The following GAP43 variants were observed in gnomAD, a reference collection of about 807,000 sequenced individuals.
The protein encoded by GAP43 is growth associated protein 43.
In GAP43, 6 loss-of-function variants were observed where a neutral mutation model predicts 18.6. The ratio of observed to expected loss-of-function variants is 0.32; its 90% CI spans 0.18 to 0.64. The LOEUF (loss-of-function observed/expected upper bound fraction) is 0.64. Ranked by LOEUF, GAP43 falls within the 30% of genes least tolerant of loss-of-function variation. The pLI is 0.78. For synonymous variants in GAP43, 115 were observed against 111.4 expected (o/e 1.03, Z -0.20); for missense variants, 292 against 295.5 (o/e 0.99, Z 0.09).
At chr3:115,663,490 G>A in intron 1 of GAP43, 1 of 1,152,778 alleles carries the variant, frequency 8.7e-7, no homozygotes, top group African/African-American at 1.6e-5. Flanking sequence ...TGCTTTCCCT[G>A]CTCTCTGATA....
intron 1 of GAP43, among the ~76,000 whole-genome samples, chr3:115,624,807 G>T (rs1708164971): frequency 6.6e-6 from 1 of 151,154 alleles, no homozygotes; most frequent in South Asian, 2.1e-4. Flanking sequence ...TCAAACATTT[G>T]TTGGAATGCA....
rs1709507824 is a variant in GAP43, at chr3:115,716,717, A to ATATATAT, written c.629-4077_629-4076insTATATAT. On this transcript the variant is annotated intron_variant, in intron 2 of 2. Coordinates refer to ENST00000305124, the MANE Select transcript of GAP43 (RefSeq NM_002045.4). ...TAAAAAATTACTTTAATCTCAGACAAATATATATATATATATATATATATA... is the reference window on the plus strand; with the variant it reads ...TAAAAAATTACTTTAATCTCAGACAATATATATATATATATATATATATATATATATA... 1.5e-3 allele frequency among the ~76,000 whole-genome samples: 67 copies of ATATATAT among 43,936 alleles called. 14 individuals are homozygous for ATATATAT. The highest frequency in any genetic ancestry group is 3.7e-3 in the East Asian group (3 of 818). 28.8% of individuals were successfully genotyped at this position (43,936 alleles called of 152,430 possible). A position where few individuals can be genotyped will look rare whatever the true frequency, so the allele number is the denominator to read the frequency against.
At chr3:115,712,087 T>G (rs1709447245) in intron 2 of GAP43, among the ~76,000 whole-genome samples, 1 of 152,170 alleles carries the variant, frequency 6.6e-6, no homozygotes, top group Non-Finnish European at 1.5e-5. Context: ...TTTAAGAAGT[T>G]TTCAAGGCTA....
At chr3:115,650,538 G>A (rs758944742) in intron 1 of GAP43, among the ~76,000 whole-genome samples, 7 of 151,340 alleles carry the variant, frequency 4.6e-5, no homozygotes, top group Non-Finnish European at 1.0e-4. Context: ...CTATTTCTCT[G>A]TTCCTCCTTC....
intron 1 of GAP43, chr3:115,664,066 C>T: frequency 1.3e-6 from 1 of 741,000 alleles, no homozygotes; most frequent in Non-Finnish European, 2.2e-6. Context: ...TAATAGTACC[C>T]ATTGCATAGT....
intron 1 of GAP43, among the ~76,000 whole-genome samples, chr3:115,657,566 T>C (rs1355112690): frequency 6.6e-6 from 1 of 152,176 alleles, no homozygotes; most frequent in Non-Finnish European, 1.5e-5. Context: ...TTAATCAACT[T>C]ACAGTTGGGT....
intron 1 of GAP43, among the ~76,000 whole-genome samples, chr3:115,672,021 G>T (rs998496100): frequency 4.6e-5 from 7 of 152,178 alleles, no homozygotes; most frequent in African/African-American, 1.7e-4. Context: ...CTTAACATAG[G>T]CACTGAGTAT....
At chr3:115,636,653 T>G (rs528637950) in intron 1 of GAP43, among the ~76,000 whole-genome samples, 1 of 152,262 alleles carries the variant, frequency 6.6e-6, no homozygotes, top group South Asian at 2.1e-4. Flanking sequence ...AATCTTACGT[T>G]TAATCCCCCC....
At chr3:115,633,004 A>T (rs1708278547) in intron 1 of GAP43, among the ~76,000 whole-genome samples, 1 of 146,794 alleles carries the variant, frequency 6.8e-6, no homozygotes, top group Admixed American at 6.8e-5. Context: ...AGAGTCTATA[A>T]AAGGAATTTA....
At chr3:115,642,155 A>C (rs1220339867) in intron 1 of GAP43, among the ~76,000 whole-genome samples, 1 of 152,084 alleles carries the variant, frequency 6.6e-6, no homozygotes, top group African/African-American at 2.4e-5. Context: ...AAATTTTCTA[A>C]AGTTAACTCA....
chr3:115,675,983 C>T (rs1559798257), intron 1 of GAP43, 30 bp from the exon 2 acceptor site: 4 of 1,562,940 alleles, frequency 2.6e-6, no homozygotes, highest in Non-Finnish European at 3.5e-6. Flanking sequence ...TCATTGAAGC[C>T]CTCTCTTTTC....
At chr3:115,713,294 G>C (rs551909729) in intron 2 of GAP43, among the ~76,000 whole-genome samples, 2 of 152,330 alleles carry the variant, frequency 1.3e-5, no homozygotes, top group African/African-American at 2.4e-5. Context: ...TAGAGTAATT[G>C]TGGGCATGGC....
At chr3:115,719,248 C>T (rs532307675) in intron 2 of GAP43, among the ~76,000 whole-genome samples, 2 of 146,508 alleles carry the variant, frequency 1.4e-5, no homozygotes, top group African/African-American at 2.5e-5. Context: ...ACAGAGGCAT[C>T]GTCAATATCA....
At chr3:115,699,793 C>T (rs1709274362) in intron 2 of GAP43, among the ~76,000 whole-genome samples, 2 of 152,244 alleles carry the variant, frequency 1.3e-5, no homozygotes, top group South Asian at 2.1e-4. Flanking sequence ...AACAGTGCCA[C>T]TAGTCTATTG....
intron 2 of GAP43, among the ~76,000 whole-genome samples, chr3:115,714,786 T>C (rs1364056643): frequency 1.3e-5 from 2 of 151,888 alleles, no homozygotes; most frequent in African/African-American, 2.4e-5. Context: ...AAAGATGGAT[T>C]TGGGGAGAAG....
rs376233758 is a variant in GAP43 at position 115,703,012 on chromosome 3, C to T, written c.629-17782C>T. On this transcript the variant is annotated intron_variant, in intron 2 of 2. Transcript: ENST00000305124. ...GTGGGAGATTTAAGAAAGCAAAAGG[C>T]TAAGGAACTTTCCTAATTGTTGATG... is the stretch of plus-strand genomic sequence containing the variant. Among the ~76,000 whole-genome samples, 5 of 152,100 alleles carry T rather than the reference C, an allele frequency of 3.3e-5. No individual in the cohort carries two copies. In the East Asian group the frequency reaches 7.7e-4, roughly 23 times the overall value.
At chr3:115,641,055 A>T (rs1220635562) in intron 1 of GAP43, among the ~76,000 whole-genome samples, 3 of 69,848 alleles carry the variant, frequency 4.3e-5, no homozygotes. Flanking sequence ...TTTTTCAATG[A>T]GGTTTTACTA....
chr3:115,669,985 ATTT>A (rs1246327926), intron 1 of GAP43, among the ~76,000 whole-genome samples: 9 of 109,910 alleles, frequency 8.2e-5, no homozygotes, highest in African/African-American at 2.3e-4. Flanking sequence ...TTTTTTTTTA[ATTT>A]TTTTTTTAAT....
chr3:115,694,185 C>G (rs1709154379), intron 2 of GAP43, among the ~76,000 whole-genome samples: 1 of 152,216 alleles, frequency 6.6e-6, no homozygotes, highest in Admixed American at 6.5e-5. Context: ...GCTGCTGTTA[C>G]AGGCAGCCCA....
Sources: gnomAD v4.1 joint callset for allele counts (sites outside exome capture counted in the v4.1 genomes callset) on GRCh38, gnomAD v4.1.1 for gene constraint, MANE v1.5 for transcripts, NCBI Gene and HGNC (gene_info 2026-07-23, HGNC 2026-07-21) for gene names.